Variants in COL21A1 observed in about 807,000 individuals in gnomAD.
The protein encoded by COL21A1 is collagen type XXI alpha 1 chain.
Under a neutral mutation model 137.9 loss-of-function variants are expected in COL21A1, and 149 were observed. The observed-to-expected ratio is 1.08, with a 90% confidence interval of 0.95 to 1.24. The LOEUF is 1.24. COL21A1 is among the 50% of genes most tolerant of loss of function. COL21A1 has a pLI of 0.00. For synonymous variants in COL21A1, 456 were observed against 391.5 expected (o/e 1.16, Z -1.95); for missense variants, 1,167 against 1,158.4 (o/e 1.01, Z -0.11).
chr6:56,146,698 C>T (rs544915616), intron 10 of COL21A1, among the ~76,000 whole-genome samples: 1 of 151,916 alleles, frequency 6.6e-6, no homozygotes, highest in Non-Finnish European at 1.5e-5. Context: ...AAAAGATATA[C>T]CATATCCACA....
intron 10 of COL21A1, among the ~76,000 whole-genome samples, chr6:56,152,894 C>T (rs1030725728): frequency 6.6e-6 from 1 of 152,084 alleles, no homozygotes; most frequent in African/African-American, 2.4e-5. Context: ...ACTTCAGCTG[C>T]CAGTCACAGA....
chr6:56,249,183 A>G (rs569015504), upstream of COL21A1, among the ~76,000 whole-genome samples: 1 of 152,364 alleles, frequency 6.6e-6, no homozygotes, highest in South Asian at 2.1e-4. Context: ...GATACACTTT[A>G]TACCACTAGG....
intron 1 of COL21A1, among the ~76,000 whole-genome samples, chr6:56,228,568 C>A (rs1169847903): frequency 6.8e-6 from 1 of 147,698 alleles, no homozygotes; most frequent in East Asian, 2.0e-4. Flanking sequence ...CATGTATGGA[C>A]ATGAAATGGT....
rs1047332450 is a variant in COL21A1 at position 56,276,879 on chromosome 6, C to A, written c.-38-94223G>T. 9.5e-6 allele frequency: 5 copies of A among 524,716 alleles called. No homozygotes were observed. In the Admixed American group the frequency reaches 1.6e-4, roughly 17 times the overall value. 32.5% of individuals were successfully genotyped at this position (524,716 alleles called of 1,614,324 possible). ...GCTGGAGTGCAGTGACGCGGTCCAG[C>A]TCACTGCAAGCTCTGCCTCCCGGGT... On this transcript the variant is annotated intron_variant, in intron 1 of 28. Coordinates refer to the COL21A1 transcript ENST00000370819.
chr6:56,159,593 AG>A (rs1328670982), intron 9 of COL21A1, among the ~76,000 whole-genome samples: 19 of 148,406 alleles, frequency 1.3e-4, no homozygotes, highest in African/African-American at 4.5e-4. Context: ...TGCCTCCCAA[AG>A]TGTTGGGATT....
chr6:56,106,335 C>T (rs1048987064), intron 16 of COL21A1, among the ~76,000 whole-genome samples: 2 of 152,154 alleles, frequency 1.3e-5, no homozygotes, highest in Non-Finnish European at 2.9e-5. Context: ...TTCCTTACAA[C>T]TCTGTTCTAT....
chr6:56,162,029 ACAAAAATGGC>A (rs1776241064), intron 9 of COL21A1, among the ~76,000 whole-genome samples: 2 of 152,186 alleles, frequency 1.3e-5, no homozygotes, highest in Admixed American at 1.3e-4. Flanking sequence ...AAAGCATATA[ACAAAAATGGC>A]CAATAAGCCT....
At chr6:56,144,659 T>G (rs1582473808) in intron 10 of COL21A1, among the ~76,000 whole-genome samples, 1 of 152,240 alleles carries the variant, frequency 6.6e-6, no homozygotes, top group South Asian at 2.1e-4. Flanking sequence ...GTATTTGTTA[T>G]AGAGGACGCA....
chr6:56,116,148 A>G (rs1342863345), intron 16 of COL21A1, among the ~76,000 whole-genome samples: 4 of 152,114 alleles, frequency 2.6e-5, no homozygotes, highest in Non-Finnish European at 4.4e-5. Flanking sequence ...AGAGAAAGAT[A>G]TCAATATCCA....
At chr6:56,151,359 T>G (rs1007386646) in intron 10 of COL21A1, among the ~76,000 whole-genome samples, 1 of 152,208 alleles carries the variant, frequency 6.6e-6, no homozygotes, top group Non-Finnish European at 1.5e-5. Context: ...CTTTAACAAA[T>G]CAATGTATAA....
chr6:56,169,018 T>A (rs1776820998), intron 5 of COL21A1, among the ~76,000 whole-genome samples: 1 of 152,038 alleles, frequency 6.6e-6, no homozygotes, highest in Non-Finnish European at 1.5e-5. Context: ...CAGAGTTTTC[T>A]TCTTGACCCC....
intron 1 of COL21A1, among the ~76,000 whole-genome samples, chr6:56,200,944 T>C (rs1244407798): frequency 6.6e-6 from 1 of 152,150 alleles, no homozygotes; most frequent in Non-Finnish European, 1.5e-5. Flanking sequence ...TTCCTATTTC[T>C]CCACATCCTC....
intron 10 of COL21A1, among the ~76,000 whole-genome samples, chr6:56,143,570 T>C (rs1774599217): frequency 6.6e-6 from 1 of 152,226 alleles, no homozygotes; most frequent in Non-Finnish European, 1.5e-5. Flanking sequence ...ACAGAATATA[T>C]TGTTATGATT....
intron 1 of COL21A1, among the ~76,000 whole-genome samples, chr6:56,296,529 AGACAGG>A (rs1263699291): frequency 6.6e-6 from 1 of 151,988 alleles, no homozygotes; most frequent in Non-Finnish European, 1.5e-5. Context: ...CTTGATACAC[AGACAGG>A]TACCACCTAT....
Position 56,061,670 on chromosome 6 carries a change from G to A in COL21A1, c.2184C>T (p.Gly728=), listed in dbSNP as rs757355397. 3.2e-6 allele frequency: 5 copies of A among 1,585,954 alleles called. No individual in the cohort carries two copies. The highest frequency in any genetic ancestry group is 1.7e-4 in the Middle Eastern group (1 of 6,018). Reference sequence around the variant, plus strand: ...ATACCTCTCCTTTTGCACCATGATGGCCTTGAATTCCCTTTGAAAATTAAT... The same window carrying A: ...ATACCTCTCCTTTTGCACCATGATGACCTTGAATTCCCTTTGAAAATTAAT... The part of the protein sequence containing the change: ...QGIPGQQGIQ[G]HHGAKGERGE... The change falls in exon 25 of 30, where the codon GGC becomes GGT. Residue 728 remains glycine (G), a synonymous_variant. Coordinates refer to ENST00000244728, the MANE Select transcript of COL21A1 (RefSeq NM_030820.4).
At chr6:56,351,293 T>A (rs1765705545) in intron 1 of COL21A1, among the ~76,000 whole-genome samples, 1 of 152,242 alleles carries the variant, frequency 6.6e-6, no homozygotes, top group Non-Finnish European at 1.5e-5. Flanking sequence ...TGAACAATGC[T>A]GAGAGGGATA....
intron 1 of COL21A1, among the ~76,000 whole-genome samples, chr6:56,273,884 C>T (rs572628506): frequency 2.0e-5 from 3 of 152,184 alleles, no homozygotes; most frequent in Admixed American, 2.0e-4. Context: ...TTCTATGATG[C>T]CAGCATCAGC....
At position 56,077,527 on chromosome 6, in the gene COL21A1, A is replaced by C; in HGVS notation, c.1857+2T>G. On this transcript the variant is annotated splice_donor_variant, in intron 18 of 29. Transcript: ENST00000244728. LOFTEE classifies it high-confidence loss of function. The stretch of plus-strand genomic sequence containing the variant: ...CCAAAGCTAACTCTCATGAATACTT[A>C]CCTTTTGGCCCATTAATCCTCGGTT... 6.4e-7 allele frequency: 1 copy of C among 1,573,922 alleles called. No individual in the cohort carries two copies.
At chr6:56,194,988 G>A (rs1450082620) in intron 1 of COL21A1, among the ~76,000 whole-genome samples, 1 of 152,068 alleles carries the variant, frequency 6.6e-6, no homozygotes, top group Admixed American at 6.6e-5. Context: ...TAATGGACTA[G>A]AATAGGAATG....
Sources: allele counts gnomAD v4.1 joint callset (sites outside exome capture counted in the v4.1 genomes callset), GRCh38; gene constraint gnomAD v4.1.1; transcripts MANE v1.5; gene names NCBI Gene and HGNC (gene_info 2026-07-23, HGNC 2026-07-21).